OSBPL1A: variants seen among roughly 807,000 people sequenced by gnomAD.
The protein encoded by OSBPL1A is oxysterol binding protein like 1A.
A neutral mutation model predicts 137.1 loss-of-function variants in OSBPL1A; 80 were observed. The observed-to-expected ratio is 0.58, with a 90% CI of 0.49 to 0.70. OSBPL1A has a LOEUF of 0.70. OSBPL1A is among the 30% of genes least tolerant of loss of function. The pLI, the probability that OSBPL1A is intolerant of heterozygous loss-of-function variation, is 0.00. For synonymous variants in OSBPL1A, 365 were observed against 389.7 expected, an observed-to-expected ratio of 0.94 and a Z score of 0.75; for missense variants, 970 against 1,129.4, an observed-to-expected ratio of 0.86 and a Z score of 2.02.
chr18:24,367,255 T>C (rs932254330), intron 3 of OSBPL1A, among the ~76,000 whole-genome samples: 26 of 151,300 alleles, frequency 1.7e-4, no homozygotes, highest in Non-Finnish European at 3.8e-4. Flanking sequence ...TATGTACACA[T>C]ATAGTAGTGT....
chr18:24,285,563 G>C (rs1267099684), intron 14 of OSBPL1A, among the ~76,000 whole-genome samples: 1 of 151,924 alleles, frequency 6.6e-6, no homozygotes, highest in Non-Finnish European at 1.5e-5. Context: ...TCCATCATTT[G>C]GGACAAGTAT....
intron 17 of OSBPL1A, among the ~76,000 whole-genome samples, chr18:24,211,105 A>AC (rs1009486340): frequency 1.8e-4 from 28 of 152,216 alleles, no homozygotes; most frequent in African/African-American, 6.0e-4. Context: ...AGTTAGGATT[A>AC]CAGGTGCCCA....
chr18:24,307,405 T>C lies in OSBPL1A; in HGVS notation c.1093-3687A>G, dbSNP rs2090524179. Among the ~76,000 whole-genome samples the C allele has an allele frequency of 2.0e-5, 3 of 152,354 alleles. No individual in the cohort carries two copies. The South Asian group carries it at 6.2e-4, about 32-fold the overall frequency. Reference sequence around the variant, plus strand: ...TTGTAACTTTCTTAGGGTTTCACTTTGCAATATGTATTTACATAAAGTAAA... The same window carrying C: ...TTGTAACTTTCTTAGGGTTTCACTTCGCAATATGTATTTACATAAAGTAAA... On this transcript the variant is annotated intron_variant, in intron 13 of 27. Coordinates refer to ENST00000319481, the MANE Select transcript of OSBPL1A (RefSeq NM_080597.4).
At chr18:24,320,113 G>T (rs1437313861) in intron 7 of OSBPL1A, among the ~76,000 whole-genome samples, 1 of 152,022 alleles carries the variant, frequency 6.6e-6, no homozygotes, top group Non-Finnish European at 1.5e-5. Flanking sequence ...GCTGGGGGTG[G>T]TTTAAAATAA....
At chr18:24,376,075 C>T (rs140282858) in intron 2 of OSBPL1A, among the ~76,000 whole-genome samples, 555 of 152,124 alleles carry the variant, frequency 3.6e-3, no homozygotes, top group African/African-American at 0.012. Context: ...AGATTTATTG[C>T]GAAGAGCAAA....
intron 15 of OSBPL1A, among the ~76,000 whole-genome samples, chr18:24,249,608 C>A (rs147034711): frequency 6.6e-6 from 1 of 152,184 alleles, no homozygotes; most frequent in Non-Finnish European, 1.5e-5. Context: ...TTGCAGAGTA[C>A]ACCAACTGGG....
chr18:24,210,785 C>T (rs779582612), intron 17 of OSBPL1A, among the ~76,000 whole-genome samples: 1 of 152,150 alleles, frequency 6.6e-6, no homozygotes, highest in Non-Finnish European at 1.5e-5. Flanking sequence ...ATCCTCCCAC[C>T]TTGGCCTCCC....
At chr18:24,187,996 G>A (rs2086794283) in intron 18 of OSBPL1A, among the ~76,000 whole-genome samples, 1 of 152,096 alleles carries the variant, frequency 6.6e-6, no homozygotes, top group African/African-American at 2.4e-5. Flanking sequence ...CAGCAGGGTG[G>A]GATTGATCAT....
chr18:24,368,130 T>C (rs1905296167), intron 3 of OSBPL1A, 157 bp downstream of exon 3: 1 of 473,792 alleles, frequency 2.1e-6, no homozygotes, highest in African/African-American at 1.9e-5. Flanking sequence ...CTAATTCATG[T>C]ATTTATTTAA....
chr18:24,177,107 C>T (rs981976347), intron 21 of OSBPL1A, among the ~76,000 whole-genome samples: 1 of 152,152 alleles, frequency 6.6e-6, no homozygotes. Context: ...GGTTCCTTTA[C>T]TCAGTTTCTC....
chr18:24,268,657 CCT>C (rs1321580835), intron 15 of OSBPL1A, among the ~76,000 whole-genome samples: 11 of 152,186 alleles, frequency 7.2e-5, no homozygotes, highest in African/African-American at 1.7e-4. Context: ...CTTGATCTCC[CCT>C]GTTCTAGAGT....
intron 18 of OSBPL1A, among the ~76,000 whole-genome samples, chr18:24,186,903 C>CAAAAAA (rs57438319): frequency 1.6e-5 from 1 of 62,628 alleles, no homozygotes; most frequent in Non-Finnish European, 3.1e-5. Flanking sequence ...GACTCTGTCT[C>CAAAAAA]AAAAAAAAAA....
chr18:24,334,389 A>G lies in OSBPL1A; in HGVS notation c.395-59T>C, dbSNP rs1599680487. On this transcript the variant is annotated intron_variant, in intron 5 of 27. Transcript: ENST00000319481. The stretch of plus-strand genomic sequence containing the variant: ...GTCAGGATCCAATTACAAATTCATT[A>G]TAAAGAATAAAGTGATCATGATGAG... The G allele has an allele frequency of 3.7e-6, 5 of 1,343,620 alleles. No individual in the cohort carries two copies. The East Asian group carries it at 7.4e-5, about 20-fold the overall frequency. 83.2% of individuals were successfully genotyped at this position (1,343,620 alleles called of 1,614,324 possible). A position where few individuals can be genotyped will look rare whatever the true frequency, so the allele number is the denominator to read the frequency against.
chr18:24,288,066 G>T (rs912930731), intron 14 of OSBPL1A, among the ~76,000 whole-genome samples: 5 of 152,202 alleles, frequency 3.3e-5, no homozygotes, highest in Non-Finnish European at 7.3e-5. Context: ...ATGGAAACAG[G>T]AAGCATTACA....
chr18:24,355,286 G>A (rs1350794523), intron 4 of OSBPL1A, among the ~76,000 whole-genome samples: 1 of 151,504 alleles, frequency 6.6e-6, no homozygotes, highest in African/African-American at 2.4e-5. Flanking sequence ...GGAGGATCAT[G>A]AGGTCAGGAG....
intron 14 of OSBPL1A, among the ~76,000 whole-genome samples, chr18:24,291,128 G>A (rs1339950686): frequency 1.3e-5 from 2 of 152,166 alleles, no homozygotes; most frequent in Non-Finnish European, 2.9e-5. Flanking sequence ...AAGATGAGCT[G>A]TCCATAAAGT....
At chr18:24,264,898 G>T (rs1239451841) in intron 15 of OSBPL1A, among the ~76,000 whole-genome samples, 2 of 152,188 alleles carry the variant, frequency 1.3e-5, no homozygotes, top group Non-Finnish European at 2.9e-5. Context: ...GCAAGTAAAT[G>T]ACACTCTCCT....
rs544478322 is a variant in OSBPL1A, at chr18:24,269,778, T to C, written c.1281+11064A>G. ...GACAAACACAGTCACATGCAGATTA[T>C]AGTCTTGGTACCATCGTGAGATACA... is the stretch of plus-strand genomic sequence containing the variant. On this transcript the variant is annotated intron_variant, in intron 15 of 27. Transcript: ENST00000319481. Among the ~76,000 whole-genome samples, 3 of 151,958 alleles carry C rather than the reference T, an allele frequency of 2.0e-5. No homozygotes were observed. In the East Asian group the frequency reaches 5.8e-4, roughly 29 times the overall value.
intron 27 of OSBPL1A, among the ~76,000 whole-genome samples, 156 bp downstream of exon 27, chr18:24,164,909 C>G (rs1269254180): frequency 6.6e-6 from 1 of 152,184 alleles, no homozygotes; most frequent in African/African-American, 2.4e-5. Flanking sequence ...GGATAAAAGT[C>G]AGTGGAAATA....
Sources: allele counts gnomAD v4.1 joint callset (sites outside exome capture counted in the v4.1 genomes callset), GRCh38; gene constraint gnomAD v4.1.1; transcripts MANE v1.5; gene names NCBI Gene and HGNC (gene_info 2026-07-23, HGNC 2026-07-21).